The following AR variants were observed in gnomAD, a reference collection of about 807,000 sequenced individuals.
AR encodes the protein androgen receptor.
A neutral mutation model predicts 53.9 loss-of-function variants in AR; 8 were observed. The observed-to-expected ratio is 0.15, with a 90% CI of 0.09 to 0.27. The LOEUF is 0.27. Among genes scored for constraint, AR ranks in the 10% least tolerant of loss-of-function variants. AR has a pLI of 1.00. For synonymous variants in AR, 359 were observed against 316.4 expected (o/e 1.13, Z -1.43); for missense variants, 639 against 742.5 (o/e 0.86, Z 1.62).
intron 2 of AR, among the ~76,000 whole-genome samples, chrX:67,681,872 G>T (rs1229892992): frequency 8.9e-6 from 1 of 112,126 alleles, no homozygotes; most frequent in East Asian, 2.8e-4. Context: ...ACTGTGATTT[G>T]CAGCAAACCA....
chrX:67,689,838 G>A (rs1158635494), intron 3 of AR: 3 of 488,657 alleles, frequency 6.1e-6, no homozygotes, highest in Non-Finnish European at 7.7e-6. Context: ...TCCATAGTTA[G>A]GATAAATGTA....
chrX:67,638,376 C>G (rs1423205586), intron 1 of AR, among the ~76,000 whole-genome samples: 1 of 111,554 alleles, frequency 9.0e-6, no homozygotes, highest in African/African-American at 3.3e-5. Context: ...ATTTCTAGTT[C>G]TAGATCCTTG....
intron 1 of AR, among the ~76,000 whole-genome samples, chrX:67,592,511 A>T (rs1204115789): frequency 9.0e-6 from 1 of 110,782 alleles, no homozygotes; most frequent in Non-Finnish European, 1.9e-5. Flanking sequence ...AAATTCTGGA[A>T]CTTTTGAAAG....
At chrX:67,661,042 G>C (rs1483954010) in intron 2 of AR, among the ~76,000 whole-genome samples, 17 of 111,763 alleles carry the variant, frequency 1.5e-4, no homozygotes, top group African/African-American at 4.9e-4. Flanking sequence ...AAGAATGCTT[G>C]TGATTTTTGC....
At chrX:67,705,863 T>C (rs943530700) in intron 3 of AR, among the ~76,000 whole-genome samples, 1 of 111,854 alleles carries the variant, frequency 8.9e-6, no homozygotes, top group African/African-American at 3.3e-5. Flanking sequence ...GAAGGGCTGT[T>C]GAATTTTGTC....
At chrX:67,612,614 C>T (rs1425383816) in intron 1 of AR, among the ~76,000 whole-genome samples, 2 of 112,150 alleles carry the variant, frequency 1.8e-5, no homozygotes. Context: ...TTTCTATAGG[C>T]ATGACTTCTG....
intron 1 of AR, among the ~76,000 whole-genome samples, chrX:67,637,941 C>G: frequency 9.0e-6 from 1 of 111,109 alleles, no homozygotes; most frequent in Non-Finnish European, 1.9e-5. Flanking sequence ...CTGTCATCTA[C>G]ATTAGATATT....
chrX:67,629,844 T>C (rs1924964005), intron 1 of AR, among the ~76,000 whole-genome samples: 1 of 111,373 alleles, frequency 9.0e-6, no homozygotes, highest in Non-Finnish European at 1.9e-5. Context: ...TGTGTCTTTG[T>C]TCTCTTTGGT....
chrX:67,623,855 AT>A (rs1924488948), intron 1 of AR, among the ~76,000 whole-genome samples: 1 of 111,514 alleles, frequency 9.0e-6, no homozygotes, highest in Non-Finnish European at 1.9e-5. Flanking sequence ...AGAAAATGCC[AT>A]TGCATTAGTT....
chrX:67,699,013 A>G (rs1251122089), intron 3 of AR, among the ~76,000 whole-genome samples: 1 of 112,195 alleles, frequency 8.9e-6, no homozygotes, highest in Non-Finnish European at 1.9e-5. Flanking sequence ...CCTCAAAGTC[A>G]TTAAGGTAGT....
At chrX:67,665,066 G>T (rs1467632857) in intron 2 of AR, among the ~76,000 whole-genome samples, 2 of 112,900 alleles carry the variant, frequency 1.8e-5, no homozygotes, top group African/African-American at 6.4e-5. Flanking sequence ...GTGCTTCCTG[G>T]GTGAGGCGAT....
intron 1 of AR, among the ~76,000 whole-genome samples, chrX:67,634,515 A>G (rs533026755): frequency 1.7e-4 from 19 of 112,078 alleles, no homozygotes; most frequent in African/African-American, 5.8e-4. Context: ...AGTGGCAGAG[A>G]TGGACATGAA....
At chrX:67,667,313 A>G (rs1034175195) in intron 2 of AR, among the ~76,000 whole-genome samples, 1 of 111,374 alleles carries the variant, frequency 9.0e-6, no homozygotes, top group African/African-American at 3.3e-5. Context: ...TAAAGAGACT[A>G]TTCATTCTCT....
intron 1 of AR, among the ~76,000 whole-genome samples, chrX:67,575,088 C>A (rs1385822900): frequency 9.0e-6 from 1 of 111,132 alleles, no homozygotes; most frequent in Non-Finnish European, 1.9e-5. Flanking sequence ...GACAAGTCTG[C>A]TGAGGGTATG....
At chrX:67,642,869 A>G (rs1248148292) in intron 1 of AR, among the ~76,000 whole-genome samples, 1 of 111,929 alleles carries the variant, frequency 8.9e-6, no homozygotes, top group Non-Finnish European at 1.9e-5. Flanking sequence ...GTTTTGTTAT[A>G]GGTCTCCCTT....
intron 3 of AR, among the ~76,000 whole-genome samples, chrX:67,698,389 C>G (rs779296487): frequency 8.9e-5 from 10 of 112,831 alleles, no homozygotes; most frequent in Non-Finnish European, 1.1e-4. Context: ...TTGTCCAGCA[C>G]AGTGTTTGTT....
At chrX:67,692,704 A>G (rs1474568997) in intron 3 of AR, among the ~76,000 whole-genome samples, 5 of 111,939 alleles carry the variant, frequency 4.5e-5, no homozygotes, top group Non-Finnish European at 3.8e-5. Context: ...AAACTGGTAC[A>G]CAGTAGGCAC....
rs139621205 is a variant in AR at position 67,597,801 on chromosome X, G to A, written c.1617-45455G>A. Among the ~76,000 whole-genome samples the A allele has an allele frequency of 1.3e-3, 151 of 112,136 alleles. 3 individuals carry two copies. In the East Asian group the frequency reaches 0.029, roughly 22 times the overall value. On this transcript the variant is annotated intron_variant, in intron 1 of 7. Coordinates refer to ENST00000374690, the MANE Select transcript of AR (RefSeq NM_000044.6). Reference sequence around the variant, plus strand: ...TTTTAGGATAAATATGTTTCACTGGGACCAGCTGGAAAACGAAAAATAGAA... The same window carrying A: ...TTTTAGGATAAATATGTTTCACTGGAACCAGCTGGAAAACGAAAAATAGAA...
chrX:67,553,985 C>T (rs1054791108), intron 1 of AR, among the ~76,000 whole-genome samples: 5 of 112,187 alleles, frequency 4.5e-5, no homozygotes, highest in African/African-American at 1.6e-4. Flanking sequence ...TTAAAGCTTA[C>T]TTCATTTCAT....
Sources: allele counts gnomAD v4.1 joint callset (sites outside exome capture counted in the v4.1 genomes callset), GRCh38; gene constraint gnomAD v4.1.1; transcripts MANE v1.5; gene names NCBI Gene and HGNC (gene_info 2026-07-23, HGNC 2026-07-21).